HBS1L: variants seen among roughly 807,000 people sequenced by gnomAD.
HBS1L encodes HBS1-like protein.
In HBS1L, 55 loss-of-function variants were observed where a neutral mutation model predicts 88.9. The ratio of observed to expected loss-of-function variants is 0.62; its 90% CI spans 0.50 to 0.77. The LOEUF (loss-of-function observed/expected upper bound fraction) is 0.77. Among genes scored for constraint, HBS1L ranks in the 30% least tolerant of loss-of-function variants. HBS1L has a pLI of 0.00. For missense variants in HBS1L, 741 were observed against 829.3 expected, an observed-to-expected ratio of 0.89 and a Z score of 1.31; for synonymous variants, 267 against 288.5, an observed-to-expected ratio of 0.93 and a Z score of 0.76.
chr6:134,973,554 G>A (rs1288217515), intron 15 of HBS1L, among the ~76,000 whole-genome samples: 3 of 152,180 alleles, frequency 2.0e-5, no homozygotes, highest in Non-Finnish European at 4.4e-5. Flanking sequence ...GTGGCTCAAT[G>A]CCTATAATCC....
chr6:135,022,139 G>T (rs1776089114), intron 4 of HBS1L, among the ~76,000 whole-genome samples: 1 of 152,092 alleles, frequency 6.6e-6, no homozygotes, highest in African/African-American at 2.4e-5. Flanking sequence ...TGCAATAAAT[G>T]CTGGCTAAGC....
chr6:134,985,484 T>C, intron 11 of HBS1L, 75 bp from the exon 12 acceptor site: 1 of 828,968 alleles, frequency 1.2e-6, no homozygotes, highest in Admixed American at 2.4e-5. Flanking sequence ...AAACTCATTA[T>C]AATCCCACTT....
At chr6:135,049,689 A>G (rs912943075) in intron 2 of HBS1L, among the ~76,000 whole-genome samples, 1 of 152,152 alleles carries the variant, frequency 6.6e-6, no homozygotes, top group African/African-American at 2.4e-5. Flanking sequence ...CTCCTGCCTC[A>G]GCCTCCTGAG....
chr6:134,992,363 T>G (rs953680952), intron 8 of HBS1L, among the ~76,000 whole-genome samples: 6 of 152,288 alleles, frequency 3.9e-5, no homozygotes, highest in African/African-American at 1.4e-4. Flanking sequence ...GATGTCATAG[T>G]CGCCATAATG....
At chr6:134,988,723 T>C (rs373476273) in intron 8 of HBS1L, among the ~76,000 whole-genome samples, 2 of 152,192 alleles carry the variant, frequency 1.3e-5, no homozygotes, top group African/African-American at 2.4e-5. Flanking sequence ...CATGGGACTG[T>C]AGGTGCACCA....
chr6:135,020,349 T>C (rs1001808707), intron 4 of HBS1L, among the ~76,000 whole-genome samples: 1 of 151,940 alleles, frequency 6.6e-6, no homozygotes, highest in Non-Finnish European at 1.5e-5. Context: ...CTGCATCATA[T>C]GGGTTATTTT....
At position 135,002,734 on chromosome 6, in the gene HBS1L, C is replaced by A. The variant is rs1302275365; in HGVS notation, c.539G>T (p.Gly180Val). 1.9e-6 allele frequency: 3 copies of A among 1,599,020 alleles called. No homozygotes were observed. Among genetic ancestry groups the A allele is most frequent in the African/African-American group, 2.7e-5 (2 of 74,514 alleles). The change falls in exon 5 of 18, where the codon GGA becomes GTA. Residue 180 changes from glycine (G) to valine (V), a missense_variant and splice_region_variant. By Grantham distance (109) the Gly-to-Val change is moderately radical. Transcript: ENST00000367837. Reference sequence around the variant, plus strand: ...ATGAGGGAGGTACTCAAAGTCTTACCCAGGCACTTCAAATCCCATAGTTTG... The same window carrying A: ...ATGAGGGAGGTACTCAAAGTCTTACACAGGCACTTCAAATCCCATAGTTTG... The part of the protein sequence containing the change: ...KKQTMGFEVP[G>V]VSSEENGHSF...
At chr6:135,022,935 A>G (rs1776113499) in intron 4 of HBS1L, among the ~76,000 whole-genome samples, 3 of 151,982 alleles carry the variant, frequency 2.0e-5, no homozygotes, top group African/African-American at 7.2e-5. Flanking sequence ...AAAAAAAAAA[A>G]AGAGGTTGCA....
intron 4 of HBS1L, chr6:135,038,135 T>C: frequency 3.9e-6 from 3 of 775,922 alleles, no homozygotes; most frequent in Non-Finnish European, 5.9e-6. Flanking sequence ...TACTAAATGC[T>C]TCTTTTGATT....
intron 14 of HBS1L, 81 bp downstream of exon 14, chr6:134,979,097 T>C (rs111711478): frequency 1.1e-6 from 1 of 933,330 alleles, no homozygotes; most frequent in Non-Finnish European, 1.7e-6. Context: ...AAAATTGAAC[T>C]AGCAGGTTGC....
intron 4 of HBS1L, among the ~76,000 whole-genome samples, chr6:135,003,734 G>A (rs117756147): frequency 0.016 from 2,377 of 152,116 alleles, 27 homozygotes; most frequent in Non-Finnish European, 0.021. Context: ...TCATGGTGGT[G>A]CACGCTTGTA....
chr6:135,033,963 T>C (rs1001503659), intron 4 of HBS1L, among the ~76,000 whole-genome samples: 1 of 152,212 alleles, frequency 6.6e-6, no homozygotes, highest in East Asian at 1.9e-4. Context: ...CTAAAATGTT[T>C]GATCAAGGTT....
In HBS1L at chr6:135,050,614, A is replaced by G. The variant is rs754443560; in HGVS notation, c.77T>C (p.Val26Ala). 4.4e-6 allele frequency: 7 copies of G among 1,596,590 alleles called. No homozygotes were observed. Among genetic ancestry groups the G allele is most frequent in the Non-Finnish European group, 6.0e-6 (7 of 1,170,186 alleles). Residue 26 changes from valine to alanine, a missense_variant, in exon 2 of 18, where the codon GTA (valine) becomes GCA (alanine). This residue lies in a region of HBS1L where 556 missense variants were observed against 598.4 expected (regional missense o/e 0.93). Coordinates refer to ENST00000367837, the MANE Select transcript of HBS1L (RefSeq NM_006620.4). Reference sequence around the variant, plus strand: ...CGGCGAAATACAATAATCATCCTCTACAGACTGGCCGTAGAGATCATCATC... The same window carrying G: ...CGGCGAAATACAATAATCATCCTCTGCAGACTGGCCGTAGAGATCATCATC... The part of the protein sequence containing the change: ...FEDDDLYGQS[V>A]EDDYCISPST...
chr6:135,042,667 G>C (rs1286630266), intron 2 of HBS1L, among the ~76,000 whole-genome samples: 1 of 151,966 alleles, frequency 6.6e-6, no homozygotes, highest in East Asian at 1.9e-4. Context: ...AAATTAGCTG[G>C]GCGTGGCAGT....
At chr6:135,042,175 T>G (rs775836224) in intron 2 of HBS1L, 49 bp from the exon 3 acceptor site, 1 of 1,501,540 alleles carries the variant, frequency 6.7e-7, no homozygotes, top group Non-Finnish European at 9.0e-7. Flanking sequence ...CATTTCCTAT[T>G]AACTTTTTTT....
At chr6:135,036,892 G>A (rs1776569271) in intron 4 of HBS1L, 1 of 1,551,508 alleles carries the variant, frequency 6.4e-7, no homozygotes, top group South Asian at 1.2e-5. Context: ...CCCTAGCTTT[G>A]AACTTAGAAC....
At chr6:135,021,431 C>T (rs4896125) in intron 4 of HBS1L, among the ~76,000 whole-genome samples, 70,881 of 151,780 alleles carry the variant, frequency 0.47, 16,860 homozygotes, top group South Asian at 0.56. Context: ...GTTTTACAAT[C>T]CAAAGACCAC....
intron 11 of HBS1L, 36 bp downstream of exon 11, chr6:134,986,030 T>C (rs763789666): frequency 2.0e-5 from 17 of 850,326 alleles, no homozygotes; most frequent in Non-Finnish European, 3.0e-5. Flanking sequence ...ATACCAAGTT[T>C]ATAATGCATT....
Position 134,962,677 on chromosome 6 carries a change from TCAAAGTCAGAGGA to T in HBS1L, c.*2589_*2601del. The T allele has an allele frequency of 6.6e-6, 1 of 151,982 alleles. No individual in the cohort carries two copies. Among genetic ancestry groups the T allele is most frequent in the Admixed American group, 6.5e-5 (1 of 15,274 alleles). 9.4% of individuals were successfully genotyped at this position (151,982 alleles called of 1,614,324 possible). A position where few individuals can be genotyped will look rare whatever the true frequency, so the allele number is the denominator to read the frequency against. On this transcript the variant is annotated 3_prime_UTR_variant, in exon 18 of 18. Transcript: ENST00000367837. ...CTGCTCAGAAGAATCTCACAAAGAG[TCAAAGTCAGAGGA>T]CAAAGCCATTAGTGTGAAGAAACAG... is the stretch of plus-strand genomic sequence containing the variant.
Sources: gnomAD v4.1 joint callset for allele counts (sites outside exome capture counted in the v4.1 genomes callset) on GRCh38, gnomAD v4.1.1 for gene constraint, gnomAD v4.1.1 regional missense constraint, MANE v1.5 for transcripts, NCBI Gene and HGNC (gene_info 2026-07-23, HGNC 2026-07-21) for gene names.